ADGRL3: variants seen among roughly 807,000 people sequenced by gnomAD.
ADGRL3 encodes the protein adhesion G protein-coupled receptor L3.
A neutral mutation model predicts 153.5 loss-of-function variants in ADGRL3; 62 were observed. The observed-to-expected ratio is 0.40, with a 90% CI of 0.33 to 0.50. The LOEUF (loss-of-function observed/expected upper bound fraction) is 0.50, where lower values mean the gene tolerates loss of function less well. ADGRL3 is among the 20% of genes least tolerant of loss of function. ADGRL3 has a pLI of 0.47. For synonymous variants in ADGRL3, 710 were observed against 672.5 expected (o/e 1.06, Z -0.86); for missense variants, 1,641 against 1,859.4 (o/e 0.88, Z 2.16).
At chr4:61,934,241 A>T (rs542518695) in intron 13 of ADGRL3, among the ~76,000 whole-genome samples, 3 of 152,286 alleles carry the variant, frequency 2.0e-5, no homozygotes, top group African/African-American at 7.2e-5. Context: ...AAACAGCATG[A>T]AGGAGGTTTC....
chr4:61,970,212 TAGAATC>T (rs1443617223), intron 17 of ADGRL3, among the ~76,000 whole-genome samples: 1 of 152,178 alleles, frequency 6.6e-6, no homozygotes, highest in Non-Finnish European at 1.5e-5. Flanking sequence ...GCTCTTCTAA[TAGAATC>T]AGACATTTTG....
At chr4:61,517,847 T>C (rs1014444434) in intron 4 of ADGRL3, among the ~76,000 whole-genome samples, 1 of 152,218 alleles carries the variant, frequency 6.6e-6, no homozygotes, top group Non-Finnish European at 1.5e-5. Flanking sequence ...TGAAAGGCTG[T>C]ATAAGTTTTA....
intron 1 of ADGRL3, among the ~76,000 whole-genome samples, chr4:61,297,321 A>G (rs1489403270): frequency 6.6e-6 from 1 of 152,164 alleles, no homozygotes; most frequent in Non-Finnish European, 1.5e-5. Context: ...ATTGCATTGA[A>G]TAGGCAGCTA....
chr4:61,951,822 C>T (rs888055055), intron 17 of ADGRL3, among the ~76,000 whole-genome samples: 3 of 152,036 alleles, frequency 2.0e-5, no homozygotes, highest in Non-Finnish European at 4.4e-5. Flanking sequence ...CTGAGATCAA[C>T]CACTGCAACT....
intron 1 of ADGRL3, among the ~76,000 whole-genome samples, chr4:61,306,344 C>G (rs1304351713): frequency 1.3e-4 from 19 of 151,988 alleles, no homozygotes; most frequent in Admixed American, 6.6e-5. Context: ...GTGATCCACC[C>G]ACCTTGGCCT....
intron 1 of ADGRL3, among the ~76,000 whole-genome samples, chr4:61,373,805 G>T (rs977757764): frequency 1.6e-4 from 24 of 152,196 alleles, no homozygotes; most frequent in Admixed American, 2.6e-4. Flanking sequence ...AAAGCCAACA[G>T]GTTAAAAACA....
At chr4:61,757,789 T>A (rs1202815936) in intron 8 of ADGRL3, among the ~76,000 whole-genome samples, 5 of 152,242 alleles carry the variant, frequency 3.3e-5, no homozygotes, top group African/African-American at 1.2e-4. Context: ...CACACTGCTT[T>A]AAATGTGTCC....
chr4:61,852,897 G>A (rs545623276), intron 9 of ADGRL3, among the ~76,000 whole-genome samples: 34 of 151,796 alleles, frequency 2.2e-4, no homozygotes, highest in South Asian at 1.7e-3. Flanking sequence ...TAAAAACTAC[G>A]GTTAACTCCG....
intron 1 of ADGRL3, among the ~76,000 whole-genome samples, chr4:61,267,783 A>G (rs932021561): frequency 6.6e-6 from 1 of 151,662 alleles, no homozygotes; most frequent in African/African-American, 2.4e-5. Context: ...TTCAGAGAAG[A>G]TATCTGTCTC....
chr4:62,050,057 A>G (rs2151746287), intron 25 of ADGRL3, among the ~76,000 whole-genome samples: 1 of 152,154 alleles, frequency 6.6e-6, no homozygotes, highest in South Asian at 2.1e-4. Context: ...TCACTACCGA[A>G]GTTTTGTTTT....
intron 8 of ADGRL3, among the ~76,000 whole-genome samples, chr4:61,740,513 A>G (rs1404770049): frequency 2.0e-5 from 3 of 152,222 alleles, no homozygotes; most frequent in African/African-American, 7.2e-5. Flanking sequence ...AATAAAGAAC[A>G]GTGAGAAGAG....
At chr4:61,394,123 A>G (rs996501985) in intron 2 of ADGRL3, among the ~76,000 whole-genome samples, 1 of 152,146 alleles carries the variant, frequency 6.6e-6, no homozygotes, top group African/African-American at 2.4e-5. Flanking sequence ...TGGTAAGACC[A>G]TATTATTTAT....
intron 8 of ADGRL3, among the ~76,000 whole-genome samples, chr4:61,768,422 A>C (rs1269228155): frequency 4.6e-5 from 7 of 152,010 alleles, no homozygotes; most frequent in Non-Finnish European, 8.8e-5. Context: ...AGGGGACAGG[A>C]GGGAGGGAAA....
At chr4:61,663,922 T>C (rs543955659) in intron 5 of ADGRL3, among the ~76,000 whole-genome samples, 1 of 152,322 alleles carries the variant, frequency 6.6e-6, no homozygotes, top group South Asian at 2.1e-4. Context: ...TCTGCTCTTA[T>C]TACAAGATGT....
chr4:61,633,104 A>C (rs189107177), intron 5 of ADGRL3, among the ~76,000 whole-genome samples: 1 of 152,282 alleles, frequency 6.6e-6, no homozygotes, highest in East Asian at 1.9e-4. Flanking sequence ...TAATAGAGAA[A>C]GTCAATTGCA....
At chr4:61,789,673 T>A (rs1466648810) in intron 8 of ADGRL3, among the ~76,000 whole-genome samples, 1 of 152,152 alleles carries the variant, frequency 6.6e-6, no homozygotes, top group Admixed American at 6.5e-5. Context: ...GACTGATAGT[T>A]GATTTTCAAA....
intron 4 of ADGRL3, among the ~76,000 whole-genome samples, chr4:61,551,210 A>T (rs1022236109): frequency 1.3e-5 from 2 of 152,136 alleles, no homozygotes; most frequent in African/African-American, 4.8e-5. Context: ...AATCGCAATT[A>T]TACAGTAACT....
chr4:61,556,734 A>G lies in ADGRL3; in HGVS notation c.260-30493A>G, dbSNP rs536032838. Among the ~76,000 whole-genome samples, 7 of 152,306 alleles carry G rather than the reference A, an allele frequency of 4.6e-5. No individual in the cohort carries two copies. The South Asian group carries it at 1.5e-3, about 32-fold the overall frequency. On this transcript the variant is annotated intron_variant, in intron 4 of 26. Transcript: ENST00000683033. ...TTAAAGCAGCTGGATGTAAAATGATAAAAGGCAATAGGTACTTAACCCCGG... is the reference window on the plus strand; with the variant it reads ...TTAAAGCAGCTGGATGTAAAATGATGAAAGGCAATAGGTACTTAACCCCGG...
At chr4:61,517,848 A>G (rs774109953) in intron 4 of ADGRL3, among the ~76,000 whole-genome samples, 7 of 152,230 alleles carry the variant, frequency 4.6e-5, no homozygotes, top group South Asian at 2.1e-4. Context: ...GAAAGGCTGT[A>G]TAAGTTTTAA....
Sources: allele counts gnomAD v4.1 joint callset (sites outside exome capture counted in the v4.1 genomes callset), GRCh38; gene constraint gnomAD v4.1.1; transcripts MANE v1.5; gene names NCBI Gene and HGNC (gene_info 2026-07-23, HGNC 2026-07-21).